The following MYCBP2 variants were observed in gnomAD, a reference collection of about 807,000 sequenced individuals.
MYCBP2 encodes MYC binding protein 2, also known as E3 ubiquitin-protein ligase MYCBP2.
A neutral mutation model predicts 525.3 loss-of-function variants in MYCBP2; 120 were observed. That is an observed-to-expected ratio of 0.23 (90% confidence interval 0.20 to 0.27). The LOEUF (loss-of-function observed/expected upper bound fraction) is 0.27, where lower values mean the gene tolerates loss of function less well. Ranked by LOEUF, MYCBP2 falls within the 10% of genes least tolerant of loss-of-function variation. The pLI is 1.00. For missense variants in MYCBP2, 4,149 were observed against 5,657.1 expected (o/e 0.73, Z 8.55); for synonymous variants, 1,894 against 1,955.8 (o/e 0.97, Z 0.83).
chr13:77,218,989 GC>G (rs1267215757), intron 20 of MYCBP2, among the ~76,000 whole-genome samples: 1 of 152,150 alleles, frequency 6.6e-6, no homozygotes, highest in Non-Finnish European at 1.5e-5. Context: ...ATGAAACTTG[GC>G]AGATGATCGA....
At chr13:77,156,740 G>A (rs2057256081) in intron 45 of MYCBP2, among the ~76,000 whole-genome samples, 2 of 152,074 alleles carry the variant, frequency 1.3e-5, no homozygotes, top group South Asian at 2.1e-4. Context: ...ATGCATCAAT[G>A]TTGTGTAATT....
Position 77,058,180 on chromosome 13 carries a change from T to C in MYCBP2, c.13329+38A>G, listed in dbSNP as rs142006501. 5.8e-5 allele frequency: 92 copies of C among 1,598,286 alleles called. No individual in the cohort carries two copies. The African/African-American group carries it at 1.1e-3, about 18-fold the overall frequency. On this transcript the variant is annotated intron_variant, in intron 78 of 82. Transcript: ENST00000544440. This position sits in a 1 kb window ranked among gnomAD's most constrained non-coding sequence, Gnocchi z 4.1. ...TTGACAAATATATTCCCCATCTTAATGTCTGGATACATTCAATACTTTAAA... is the reference window on the plus strand; with the variant it reads ...TTGACAAATATATTCCCCATCTTAACGTCTGGATACATTCAATACTTTAAA...
Position 77,058,649 on chromosome 13 carries a change from A to G in MYCBP2, c.13141-243T>C, listed in dbSNP as rs1477491259. Among the ~76,000 whole-genome samples the G allele has an allele frequency of 6.6e-6, 1 of 152,120 alleles. No individual in the cohort carries two copies. The highest frequency in any genetic ancestry group is 2.4e-5 in the African/African-American group (1 of 41,416). ...ACTCTCTATAAAGGGAATGCTGATA[A>G]GTGAATTATAATTTCATATTTGTCA... On this transcript the variant is annotated intron_variant, in intron 77 of 82. Coordinates refer to ENST00000544440, the MANE Select transcript of MYCBP2 (RefSeq NM_015057.5). This position sits in a 1 kb window ranked among gnomAD's most constrained non-coding sequence, Gnocchi z 4.1.
rs2070764010 is a variant in MYCBP2 at position 77,249,646 on chromosome 13, C to CA, written c.2381+1504dup. Among the ~76,000 whole-genome samples, 6 of 152,210 alleles carry CA rather than the reference C, an allele frequency of 3.9e-5. No individual in the cohort carries two copies. In the South Asian group the frequency reaches 8.3e-4, roughly 21 times the overall value. ...CTGGCCTCAAGTGATCCTCTGGCCT[C>CA]AGCCTCCCAAAGTGCTGGGATTACA... On this transcript the variant is annotated intron_variant, in intron 15 of 82. Transcript: ENST00000544440.
chr13:77,187,575 G>GGT (rs2060843497), intron 30 of MYCBP2, among the ~76,000 whole-genome samples: 1 of 152,118 alleles, frequency 6.6e-6, no homozygotes, highest in Non-Finnish European at 1.5e-5. Flanking sequence ...TTAGAATAAT[G>GGT]GTACGCAAAC....
intron 28 of MYCBP2, among the ~76,000 whole-genome samples, chr13:77,190,923 A>G (rs1032042384): frequency 2.0e-5 from 3 of 152,210 alleles, no homozygotes; most frequent in African/African-American, 7.2e-5. Context: ...TATAACTTCA[A>G]CTGATTTCAA....
At chr13:77,303,042 C>T (rs1006824265) in intron 1 of MYCBP2, among the ~76,000 whole-genome samples, 2 of 152,176 alleles carry the variant, frequency 1.3e-5, no homozygotes, top group Non-Finnish European at 2.9e-5. Context: ...AACTTGAAAA[C>T]ATGATTAATC....
Position 77,077,089 on chromosome 13 carries a change from A to C in MYCBP2, c.11724+59T>G, listed in dbSNP as rs1220638913. On this transcript the variant is annotated intron_variant, in intron 67 of 82. Coordinates refer to ENST00000544440, the MANE Select transcript of MYCBP2 (RefSeq NM_015057.5). ...TAAGTTTCACAAAATATTTTGTTAC[A>C]CTCTTAAAATATATTACATCAATTA... The C allele has an allele frequency of 1.7e-5, 26 of 1,548,854 alleles. No homozygotes were observed. The East Asian group carries it at 5.2e-4, about 31-fold the overall frequency.
chr13:77,190,939 T>G (rs2061239412), intron 28 of MYCBP2, among the ~76,000 whole-genome samples: 1 of 152,182 alleles, frequency 6.6e-6, no homozygotes. Flanking sequence ...TTCAAATAGT[T>G]TATGCTCAGG....
intron 17 of MYCBP2, among the ~76,000 whole-genome samples, chr13:77,242,513 C>T (rs934710522): frequency 2.6e-5 from 4 of 152,152 alleles, no homozygotes; most frequent in African/African-American, 9.7e-5. Context: ...TGCAGACCTG[C>T]CATCTTACTC....
intron 47 of MYCBP2, among the ~76,000 whole-genome samples, chr13:77,146,960 TAC>T (rs1177236890): frequency 6.6e-6 from 1 of 152,192 alleles, no homozygotes; most frequent in Admixed American, 6.5e-5. Context: ...TTTATTTCAG[TAC>T]AGTTTATAAT....
intron 19 of MYCBP2, among the ~76,000 whole-genome samples, chr13:77,224,929 T>C (rs1015501953): frequency 1.3e-5 from 2 of 152,164 alleles, no homozygotes; most frequent in African/African-American, 4.8e-5. Flanking sequence ...AACTTTAATG[T>C]CTGTTAATAC....
At chr13:77,218,027 C>T in intron 20 of MYCBP2, 70 bp from the exon 21 acceptor site, 1 of 1,021,524 alleles carries the variant, frequency 9.8e-7, no homozygotes, top group Admixed American at 2.2e-5. Flanking sequence ...AATAAGTAAG[C>T]AATGCAACAA....
chr13:77,191,920 A>G, intron 27 of MYCBP2, 107 bp from the exon 28 acceptor site: 1 of 1,080,280 alleles, frequency 9.3e-7, no homozygotes, highest in Non-Finnish European at 1.3e-6. Flanking sequence ...TAACTGTATT[A>G]TAAAATTCTT....
Position 77,174,297 on chromosome 13 carries a change from A to C in MYCBP2, c.5651+14T>G, listed in dbSNP as rs1029474770. ...ACTGTAAAGTATTTCCGTTATCTCTATACATTCACCCACCTATAGTAGAGT... is the reference window on the plus strand; with the variant it reads ...ACTGTAAAGTATTTCCGTTATCTCTCTACATTCACCCACCTATAGTAGAGT... On this transcript the variant is annotated intron_variant, in intron 37 of 82. Coordinates refer to ENST00000544440, the MANE Select transcript of MYCBP2 (RefSeq NM_015057.5). 6.2e-7 allele frequency: 1 copy of C among 1,612,620 alleles called. No individual in the cohort carries two copies. Among genetic ancestry groups the C allele is most frequent in the African/African-American group, 1.3e-5 (1 of 74,896 alleles).
At position 77,045,505 on chromosome 13, in the gene MYCBP2, T is replaced by C; in HGVS notation, c.13922-12A>G. 4 of 1,560,574 alleles carry C rather than the reference T, an allele frequency of 2.6e-6. No homozygotes were observed. Among genetic ancestry groups the C allele is most frequent in the Non-Finnish European group, 3.5e-6 (4 of 1,132,608 alleles). On this transcript the variant is annotated splice_polypyrimidine_tract_variant and intron_variant, in intron 82 of 82. Coordinates refer to ENST00000544440, the MANE Select transcript of MYCBP2 (RefSeq NM_015057.5). Reference sequence around the variant, plus strand: ...CTTGCCTTTGGGACCTGTATAAATTTGAAGGAGGCAAAGGAAAATAATGTT... The same window carrying C: ...CTTGCCTTTGGGACCTGTATAAATTCGAAGGAGGCAAAGGAAAATAATGTT...
chr13:77,239,663 C>T (rs754873602), intron 17 of MYCBP2, among the ~76,000 whole-genome samples: 4 of 152,158 alleles, frequency 2.6e-5, no homozygotes, highest in Non-Finnish European at 4.4e-5. Flanking sequence ...TGTACTCCCC[C>T]AGTTTTTTGT....
At chr13:77,099,046 A>G (rs1317262686) in intron 55 of MYCBP2, 33 bp from the exon 56 acceptor site, 1 of 1,583,742 alleles carries the variant, frequency 6.3e-7, no homozygotes, top group African/African-American at 1.4e-5. Context: ...AAACTTATTA[A>G]TAAAATTATA....
intron 49 of MYCBP2, among the ~76,000 whole-genome samples, chr13:77,143,658 T>A (rs1263037966): frequency 6.6e-6 from 1 of 152,188 alleles, no homozygotes. Flanking sequence ...AATATAGACA[T>A]GCATTGCTTA....
Sources: allele counts gnomAD v4.1 joint callset (sites outside exome capture counted in the v4.1 genomes callset), GRCh38; gene constraint gnomAD v4.1.1; non-coding constraint Gnocchi (gnomAD v3.1); transcripts MANE v1.5; gene names NCBI Gene and HGNC (gene_info 2026-07-23, HGNC 2026-07-21).